TTC28: variants seen among roughly 807,000 people sequenced by gnomAD.
TTC28 encodes tetratricopeptide repeat protein 28.
TTC28 carries 61 observed loss-of-function variants against 198.0 expected under a neutral mutation model. The observed-to-expected ratio is 0.31, with a 90% CI of 0.25 to 0.38. The LOEUF is 0.38. Among genes scored for constraint, TTC28 ranks in the 10% least tolerant of loss-of-function variants. The pLI, the probability that TTC28 is intolerant of heterozygous loss-of-function variation, is 1.00. For missense variants in TTC28, 2,678 were observed against 3,164.0 expected (o/e 0.85, Z 3.69); for synonymous variants, 1,171 against 1,297.8 (o/e 0.90, Z 2.10).
chr22:28,485,777 A>T (rs961745385), intron 2 of TTC28, among the ~76,000 whole-genome samples: 2 of 152,172 alleles, frequency 1.3e-5, no homozygotes, highest in Non-Finnish European at 2.9e-5. Context: ...TATATTCACA[A>T]AGATTGAGTA....
At chr22:28,084,487 C>T (rs1337323377) in intron 12 of TTC28, among the ~76,000 whole-genome samples, 1 of 152,152 alleles carries the variant, frequency 6.6e-6, no homozygotes, top group African/African-American at 2.4e-5. Flanking sequence ...ACAGAAAGGA[C>T]ATCCACACCA....
intron 2 of TTC28, among the ~76,000 whole-genome samples, chr22:28,510,661 T>C (rs1013040013): frequency 1.3e-5 from 2 of 151,964 alleles, no homozygotes; most frequent in Admixed American, 6.6e-5. Flanking sequence ...GCGAGGGCAA[T>C]AGAGCAAGAG....
At position 28,602,698 on chromosome 22, in the gene TTC28, A is replaced by G. The variant is rs777157292; in HGVS notation, c.381+26854T>C. Among the ~76,000 whole-genome samples the G allele has an allele frequency of 2.4e-4, 37 of 152,322 alleles. 1 individual carries two copies. Among genetic ancestry groups the G allele is most frequent in the Non-Finnish European group, 5.1e-4 (35 of 68,022 alleles). On this transcript the variant is annotated intron_variant, in intron 2 of 22. Transcript: ENST00000397906. ...TTCAAAAGTAAAAATTTTAAAATAT[A>G]CCAATAAAATGTTAAATGCTTTGAC... is the stretch of plus-strand genomic sequence containing the variant.
At chr22:28,207,242 C>CA (rs146874032) in intron 5 of TTC28, among the ~76,000 whole-genome samples, 38,384 of 141,012 alleles carry the variant, frequency 0.27, 6,148 homozygotes, top group Middle Eastern at 0.37. Context: ...AAAAAAAGCA[C>CA]AAAAAAAAAC....
At chr22:28,346,855 A>C (rs568470189) in intron 2 of TTC28, among the ~76,000 whole-genome samples, 28 of 152,334 alleles carry the variant, frequency 1.8e-4, no homozygotes, top group African/African-American at 6.7e-4. Context: ...CACAGTAACA[A>C]AGGAAGCAAC....
chr22:28,199,022 T>C (rs1454746507), intron 5 of TTC28, among the ~76,000 whole-genome samples: 1 of 152,078 alleles, frequency 6.6e-6, no homozygotes, highest in Non-Finnish European at 1.5e-5. Flanking sequence ...CACAACATAA[T>C]GTTAAACAAA....
intron 12 of TTC28, among the ~76,000 whole-genome samples, chr22:28,053,998 A>G (rs1940181571): frequency 6.6e-6 from 1 of 152,202 alleles, no homozygotes; most frequent in Non-Finnish European, 1.5e-5. Flanking sequence ...GAAGACTTAA[A>G]TAAATCCCTG....
chr22:28,439,048 T>C (rs1044348516), intron 2 of TTC28, among the ~76,000 whole-genome samples: 1 of 152,322 alleles, frequency 6.6e-6, no homozygotes, highest in Admixed American at 6.5e-5. Context: ...AACTGAAATA[T>C]AAGAAAGCCT....
intron 5 of TTC28, among the ~76,000 whole-genome samples, chr22:28,176,041 TCTGCAATCCTAATACTGGTTA>T: frequency 6.6e-6 from 1 of 152,170 alleles, no homozygotes; most frequent in East Asian, 1.9e-4. Context: ...ACCATATGAT[TCTGCAATCCTAATACTGGTTA>T]TATATCCAAA....
chr22:28,287,979 T>C (rs1177615438), intron 5 of TTC28, among the ~76,000 whole-genome samples: 1 of 152,220 alleles, frequency 6.6e-6, no homozygotes, highest in African/African-American at 2.4e-5. Context: ...TCTTGTTTAC[T>C]TGAATATTTA....
At chr22:28,060,383 G>A (rs1327115421) in intron 12 of TTC28, among the ~76,000 whole-genome samples, 5 of 152,158 alleles carry the variant, frequency 3.3e-5, no homozygotes, top group Admixed American at 2.0e-4. Flanking sequence ...TGCTCAGAAC[G>A]ATGGTTTCCA....
rs1229929344 is a variant in TTC28, at chr22:28,296,227, C to T, written c.904G>A (p.Val302Ile). 1.3e-6 allele frequency: 2 copies of T among 1,549,852 alleles called. No homozygotes were observed. The highest frequency in any genetic ancestry group is 2.0e-5 in the Admixed American group (1 of 50,924). Reference sequence around the variant, plus strand: ...CGATCTTTGAGTTTCATGGCGAGTACCAACTGATGCCTGTGGTTAGTGAGA... The same window carrying T: ...CGATCTTTGAGTTTCATGGCGAGTATCAACTGATGCCTGTGGTTAGTGAGA... ...EALTNHRHQL[V>I]LAMKLKDREA... Residue 302 changes from valine to isoleucine, a missense_variant, in exon 5 of 23, where the codon GTA becomes ATA. Around this residue, in one of 8 missense-constraint regions of TTC28, gnomAD observed 775 missense variants for 845.9 expected, o/e 0.92. Coordinates refer to ENST00000397906, the MANE Select transcript of TTC28 (RefSeq NM_001145418.2).
chr22:28,033,669 T>A (rs1259505644), intron 12 of TTC28, among the ~76,000 whole-genome samples: 1 of 152,252 alleles, frequency 6.6e-6, no homozygotes, highest in Non-Finnish European at 1.5e-5. Context: ...TTATTCTTGT[T>A]TTGATACTGA....
intron 2 of TTC28, among the ~76,000 whole-genome samples, chr22:28,582,370 T>C (rs2050245022): frequency 1.3e-5 from 2 of 152,098 alleles, no homozygotes; most frequent in Admixed American, 6.6e-5. Context: ...AACTAAATAA[T>C]CCAAGATGTT....
chr22:28,591,699 G>A (rs1044242197), intron 2 of TTC28, among the ~76,000 whole-genome samples: 1 of 152,150 alleles, frequency 6.6e-6, no homozygotes, highest in East Asian at 1.9e-4. Context: ...TCAAAACCAT[G>A]AATTCACATT....
chr22:28,486,377 A>T (rs1372468609), intron 2 of TTC28, among the ~76,000 whole-genome samples: 1 of 152,168 alleles, frequency 6.6e-6, no homozygotes, highest in Non-Finnish European at 1.5e-5. Flanking sequence ...GACTAGCTGC[A>T]CACTGAGATG....
At chr22:28,398,786 G>T (rs1049796453) in intron 2 of TTC28, among the ~76,000 whole-genome samples, 1 of 152,046 alleles carries the variant, frequency 6.6e-6, no homozygotes, top group Non-Finnish European at 1.5e-5. Context: ...CCCAAATAAG[G>T]TATAGCTTCA....
At chr22:28,240,172 C>G (rs567088563) in intron 5 of TTC28, among the ~76,000 whole-genome samples, 1 of 152,316 alleles carries the variant, frequency 6.6e-6, no homozygotes, top group African/African-American at 2.4e-5. Context: ...CAAAAACAAT[C>G]CTTAGGAAAT....
At chr22:28,407,478 A>G (rs1381311217) in intron 2 of TTC28, among the ~76,000 whole-genome samples, 4 of 129,460 alleles carry the variant, frequency 3.1e-5, no homozygotes, top group African/African-American at 1.0e-4. Context: ...GTGCGCACAC[A>G]CACACACACA....
Sources: gnomAD v4.1 joint callset for allele counts (sites outside exome capture counted in the v4.1 genomes callset) on GRCh38, gnomAD v4.1.1 for gene constraint, gnomAD v4.1.1 regional missense constraint, MANE v1.5 for transcripts, NCBI Gene and HGNC (gene_info 2026-07-23, HGNC 2026-07-21) for gene names.